Variants in FBXW8 observed in about 807,000 individuals in gnomAD.
FBXW8 encodes F-box and WD repeat domain containing 8, also known as F-box/WD repeat-containing protein 8.
In FBXW8, 57 loss-of-function variants were observed where a neutral mutation model predicts 65.3. The observed-to-expected ratio is 0.87, with a 90% CI of 0.71 to 1.09. The LOEUF is 1.09. FBXW8 is among the 50% of genes least tolerant of loss of function. FBXW8 has a pLI of 0.00. For synonymous variants in FBXW8, 308 were observed against 330.2 expected (o/e 0.93, Z 0.73); for missense variants, 777 against 814.8 (o/e 0.95, Z 0.57).
chr12:116,960,274 T>C (rs1883903818), intron 4 of FBXW8, among the ~76,000 whole-genome samples: 1 of 152,204 alleles, frequency 6.6e-6, no homozygotes, highest in African/African-American at 2.4e-5. Flanking sequence ...CACAAGTTCA[T>C]GAGCATGGAG....
intron 3 of FBXW8, among the ~76,000 whole-genome samples, chr12:116,946,325 C>T (rs1045618300): frequency 9.2e-5 from 14 of 152,186 alleles, no homozygotes; most frequent in Admixed American, 2.6e-4. Context: ...TGATTAGTGA[C>T]CAATACGCTT....
At chr12:116,945,708 CT>C (rs1329159212) in intron 3 of FBXW8, among the ~76,000 whole-genome samples, 180 bp downstream of exon 3, 1 of 152,196 alleles carries the variant, frequency 6.6e-6, no homozygotes, top group East Asian at 1.9e-4. Context: ...TGATCTGCCT[CT>C]GTTTTCAGCC....
At chr12:117,017,523 T>C (rs903263674) in intron 8 of FBXW8, among the ~76,000 whole-genome samples, 1 of 152,210 alleles carries the variant, frequency 6.6e-6, no homozygotes, top group African/African-American at 2.4e-5. Context: ...CCAAAGGCCA[T>C]TGTCAGTGCT....
Position 116,985,494 on chromosome 12 carries a change from C to G in FBXW8, c.1032+92C>G, listed in dbSNP as rs565784591. ...ACTAATGGTGTTGGTAACTCCCATT[C>G]ACTCAGAGCTTCCTGCGGGCCTTAC... On this transcript the variant is annotated intron_variant, in intron 6 of 10. Coordinates refer to ENST00000652555, the MANE Select transcript of FBXW8 (RefSeq NM_153348.3). 4.4e-5 allele frequency: 55 copies of G among 1,254,516 alleles called. No homozygotes were observed. In the Admixed American group the frequency reaches 9.2e-4, roughly 21 times the overall value. The allele number at this position is 1,254,516 out of a possible 1,614,324, so 77.7% of individuals were successfully genotyped here. A position where few individuals can be genotyped will look rare whatever the true frequency, so the allele number is the denominator to read the frequency against.
chr12:116,983,415 G>C (rs1467888789), intron 5 of FBXW8, among the ~76,000 whole-genome samples: 1 of 152,194 alleles, frequency 6.6e-6, no homozygotes, highest in African/African-American at 2.4e-5. Flanking sequence ...CTGTGTTTTA[G>C]ATGCGAAGCA....
At chr12:117,020,826 A>G (rs966438774) in intron 8 of FBXW8, among the ~76,000 whole-genome samples, 2 of 152,140 alleles carry the variant, frequency 1.3e-5, no homozygotes, top group Non-Finnish European at 2.9e-5. Flanking sequence ...GTCACTTCCT[A>G]CGTGAGCTCA....
At chr12:116,998,234 T>C (rs971714353) in intron 7 of FBXW8, among the ~76,000 whole-genome samples, 2 of 152,242 alleles carry the variant, frequency 1.3e-5, no homozygotes, top group African/African-American at 4.8e-5. Context: ...TATGAAACCC[T>C]TCAAGATGCG....
At chr12:117,021,435 AC>A (rs560813699) in intron 8 of FBXW8, among the ~76,000 whole-genome samples, 161 of 152,194 alleles carry the variant, frequency 1.1e-3, no homozygotes, top group Non-Finnish European at 1.8e-3. Flanking sequence ...AAAAAGTTAA[AC>A]CCTTTTTTCA....
intron 4 of FBXW8, 53 bp downstream of exon 4, chr12:116,949,759 T>A (rs1310828658): frequency 2.4e-5 from 37 of 1,518,958 alleles, no homozygotes; most frequent in Non-Finnish European, 3.3e-5. Flanking sequence ...CTTTCATTTT[T>A]CTCATACCAC....
At position 116,949,338 on chromosome 12, in the gene FBXW8, T is replaced by C. The variant is rs574974629; in HGVS notation, c.589-280T>C. 116 of 429,596 alleles carry C rather than the reference T, an allele frequency of 2.7e-4. No individual in the cohort carries two copies. The South Asian group carries it at 3.2e-3, about 12-fold the overall frequency. 26.6% of individuals were successfully genotyped at this position (429,596 alleles called of 1,614,324 possible). A position where few individuals can be genotyped will look rare whatever the true frequency, so the allele number is the denominator to read the frequency against. On this transcript the variant is annotated intron_variant, in intron 3 of 10. Coordinates refer to ENST00000652555, the MANE Select transcript of FBXW8 (RefSeq NM_153348.3). Reference sequence around the variant, plus strand: ...GATGGTAGTTATTGGTGAGCACATATTTGCTTTCTATTCTGTAACCTCCTG... The same window carrying C: ...GATGGTAGTTATTGGTGAGCACATACTTGCTTTCTATTCTGTAACCTCCTG...
chr12:117,002,158 A>G (rs2135698761), intron 7 of FBXW8, among the ~76,000 whole-genome samples: 1 of 152,330 alleles, frequency 6.6e-6, no homozygotes, highest in South Asian at 2.1e-4. Flanking sequence ...CACAGCCCGC[A>G]GCAGTTGGCA....
At chr12:117,013,902 GTTTT>G (rs926803906) in intron 8 of FBXW8, among the ~76,000 whole-genome samples, 16 of 140,650 alleles carry the variant, frequency 1.1e-4, no homozygotes, top group Non-Finnish European at 2.0e-4. Flanking sequence ...GTAATCACTT[GTTTT>G]TTTTTTTTGG....
chr12:117,012,598 C>T (rs757715899), intron 8 of FBXW8, among the ~76,000 whole-genome samples: 4 of 152,042 alleles, frequency 2.6e-5, no homozygotes, highest in Non-Finnish European at 4.4e-5. Flanking sequence ...ATTTTTTCCC[C>T]GGAGGTTTAA....
At position 116,962,488 on chromosome 12, in the gene FBXW8, G is replaced by C. The variant is rs1302272682; in HGVS notation, c.678-2209G>C. On this transcript the variant is annotated intron_variant, in intron 4 of 10. Coordinates refer to ENST00000652555, the MANE Select transcript of FBXW8 (RefSeq NM_153348.3). ...CTCGCCTCCCCACTGTGTCCCCTGG[G>C]GGGGCACCACTGAAAACAGTGTGCA... 2.6e-5 allele frequency among the ~76,000 whole-genome samples: 4 copies of C among 152,198 alleles called. No individual in the cohort carries two copies. The South Asian group carries it at 6.2e-4, about 24-fold the overall frequency.
Position 117,011,876 on chromosome 12 carries a change from T to C in FBXW8, c.1367+1426T>C, listed in dbSNP as rs1014601811. On this transcript the variant is annotated intron_variant, in intron 8 of 10. Coordinates refer to ENST00000652555, the MANE Select transcript of FBXW8 (RefSeq NM_153348.3). ...AATTTCAAAAATATTAAGAAAAAAA[T>C]TCTACAAAGTTCCAAAAAGCAAAAC... Among the ~76,000 whole-genome samples the C allele has an allele frequency of 2.0e-5, 3 of 152,236 alleles. No homozygotes were observed. The East Asian group carries it at 5.8e-4, about 29-fold the overall frequency.
chr12:116,958,901 C>T (rs188401051), intron 4 of FBXW8, among the ~76,000 whole-genome samples: 2 of 152,336 alleles, frequency 1.3e-5, no homozygotes, highest in Admixed American at 1.3e-4. Flanking sequence ...CAACACAGAG[C>T]TCTAGGCAAC....
Position 117,010,327 on chromosome 12 carries a change from T to TGGAGAGGATCTGA in FBXW8, c.1246_1247insAGAGGATCTGAGG (p.Val416GlufsTer4). The stretch of plus-strand genomic sequence containing the variant: ...ACATTTCTCTTCCTCTCTCAGATCC[T>TGGAGAGGATCTGA]GGTGTATAGCCTGGAAGCAGGACGC... On this transcript the variant is annotated stop_gained and frameshift_variant, in exon 8 of 11. Coordinates refer to ENST00000652555, the MANE Select transcript of FBXW8 (RefSeq NM_153348.3). LOFTEE classifies it high-confidence loss of function. 1.9e-6 allele frequency: 3 copies of TGGAGAGGATCTGA among 1,614,232 alleles called. No individual in the cohort carries two copies. The highest frequency in any genetic ancestry group is 2.5e-6 in the Non-Finnish European group (3 of 1,180,030).
At chr12:116,944,253 C>G (rs1415742240) in intron 2 of FBXW8, among the ~76,000 whole-genome samples, 3 of 152,112 alleles carry the variant, frequency 2.0e-5, no homozygotes, top group Non-Finnish European at 4.4e-5. Context: ...AAAAGTTGAT[C>G]GATCATTTTT....
chr12:116,947,443 A>G (rs1883004021), intron 3 of FBXW8, among the ~76,000 whole-genome samples: 1 of 152,212 alleles, frequency 6.6e-6, no homozygotes, highest in Admixed American at 6.5e-5. Flanking sequence ...AATGAAAGAA[A>G]GCCTTATCAA....
Sources: allele counts gnomAD v4.1 joint callset (sites outside exome capture counted in the v4.1 genomes callset), GRCh38; gene constraint gnomAD v4.1.1; transcripts MANE v1.5; gene names NCBI Gene and HGNC (gene_info 2026-07-23, HGNC 2026-07-21).